Variants in XIST observed in about 807,000 individuals in gnomAD.
XIST encodes the protein X inactive specific transcript.
exon 1 of XIST, chrX:73,841,764 T>C (rs960736278): frequency 1.0e-5 from 5 of 498,676 alleles, no homozygotes; most frequent in Non-Finnish European, 1.8e-5. Flanking sequence ...ATTATTACTA[T>C]AATTAAATGC....
Position 73,849,926 on chromosome X carries a change from T to C in XIST, n.2798A>G, listed in dbSNP as rs368263757. 295 of 543,344 alleles carry C rather than the reference T, an allele frequency of 5.4e-4. 2 individuals are homozygous for C. Among genetic ancestry groups the C allele is most frequent in the Non-Finnish European group, 6.7e-4 (203 of 303,330 alleles). The allele number at this position is 543,344 out of a possible 1,213,427, so 44.8% of individuals were successfully genotyped here. On this transcript the variant is annotated non_coding_transcript_exon_variant, in exon 1 of 6. Coordinates refer to ENST00000429829, the Ensembl canonical transcript of XIST. ...GGCTGGGGCTAGACTAGGGGTTTGCTGGGAGCAGGGCTGGGGAGGAACTGG... is the reference window on the plus strand; with the variant it reads ...GGCTGGGGCTAGACTAGGGGTTTGCCGGGAGCAGGGCTGGGGAGGAACTGG...
At chrX:73,833,052 T>A (rs1437810029) in intron 3 of XIST, among the ~76,000 whole-genome samples, 1 of 109,757 alleles carries the variant, frequency 9.1e-6, no homozygotes, top group Non-Finnish European at 1.9e-5. Flanking sequence ...CAACTAATTT[T>A]ATTTTATTGT....
At chrX:73,841,348 A>G in intron 1 of XIST, 1 of 457,551 alleles carries the variant, frequency 2.2e-6, no homozygotes. Flanking sequence ...AGAATAGGAA[A>G]AAGATTACTT....
At chrX:73,841,667 A>G in exon 1 of XIST, 1 of 535,145 alleles carries the variant, frequency 1.9e-6, no homozygotes, top group Non-Finnish European at 3.4e-6. Flanking sequence ...AGAATATTTA[A>G]TTTTGGCTTA....
intron 4 of XIST, among the ~76,000 whole-genome samples, chrX:73,830,624 T>A (rs1270184287): frequency 8.9e-6 from 1 of 111,978 alleles, no homozygotes; most frequent in Admixed American, 9.5e-5. Flanking sequence ...AAGACACACC[T>A]CTCACTTGTT....
rs767315945 is a variant in XIST at position 73,852,601 on chromosome X, T to A, written n.123A>T. ...TTTTATGGAATTTAGGTGATTTTTT[T>A]AAAGAAATACGCCATAAAGGGTGTT... On this transcript the variant is annotated non_coding_transcript_exon_variant, in exon 1 of 6. Transcript: ENST00000429829. 2.0e-4 allele frequency: 100 copies of A among 492,129 alleles called. 1 individual carries two copies. The East Asian group carries it at 3.6e-3, about 18-fold the overall frequency. The allele number at this position is 492,129 out of a possible 1,213,427, so 40.6% of individuals were successfully genotyped here.
At chrX:73,820,913 C>T (rs1922095843) in exon 6 of XIST, 2 of 559,059 alleles carry the variant, frequency 3.6e-6, no homozygotes, top group Middle Eastern at 3.1e-4. Flanking sequence ...CACTTAATTC[C>T]TTGTGTCTGC....
chrX:73,851,306 C>G (rs41305409), exon 1 of XIST: 35,107 of 557,465 alleles, frequency 0.063, 1,250 homozygotes, highest in African/African-American at 0.21. Context: ...GCGGCAAAAC[C>G]CAACACGAAA....
At chrX:73,833,523 G>C (rs1213390658) in intron 2 of XIST, 7 of 381,920 alleles carry the variant, frequency 1.8e-5, no homozygotes, top group Non-Finnish European at 3.2e-5. Context: ...AGCCTGCTTG[G>C]TCTCCCTAAA....
chrX:73,844,374 G>A (rs1488436561), exon 1 of XIST: 11 of 556,345 alleles, frequency 2.0e-5, no homozygotes, highest in Non-Finnish European at 3.6e-5. Context: ...GAAAAGCAAA[G>A]GGAGTCCATG....
chrX:73,825,709 C>T (rs1046400188), exon 6 of XIST: 5 of 512,946 alleles, frequency 9.7e-6, no homozygotes, highest in African/African-American at 9.3e-5. Flanking sequence ...ATGATTTGAC[C>T]CCTTACAGAA....
chrX:73,841,202 A>G (rs1401530699), intron 1 of XIST: 1 of 337,418 alleles, frequency 3.0e-6, no homozygotes, highest in Non-Finnish European at 5.1e-6. Context: ...GTTAACTCAC[A>G]TATGTGTATT....
In XIST at chrX:73,843,224, T is replaced by TATCCCACTCTACCAGAA. The variant is rs771893161; in HGVS notation, n.9483_9499dup. 4 of 558,570 alleles carry TATCCCACTCTACCAGAA rather than the reference T, an allele frequency of 7.2e-6. No homozygotes were observed. In the Admixed American group the frequency reaches 8.9e-5, roughly 12 times the overall value. The allele number at this position is 558,570 out of a possible 1,213,427, so 46.0% of individuals were successfully genotyped here. On this transcript the variant is annotated non_coding_transcript_exon_variant, in exon 1 of 6. Transcript: ENST00000429829. ...ATGCAAAGGGGATACTAGGGCATAATATCCCACTCTACCAGAAGGAGACAT... is the reference window on the plus strand; with the variant it reads ...ATGCAAAGGGGATACTAGGGCATAATATCCCACTCTACCAGAAATCCCACTCTACCAGAAGGAGACAT...
chrX:73,822,725 T>C (rs1330718907), exon 6 of XIST: 2 of 543,893 alleles, frequency 3.7e-6, no homozygotes, highest in Non-Finnish European at 6.6e-6. Flanking sequence ...AAATGCCTTT[T>C]GGAGCAGATA....
In XIST at chrX:73,823,958, C is replaced by T. The variant is rs148757364; in HGVS notation, n.15943G>A. On this transcript the variant is annotated non_coding_transcript_exon_variant, in exon 6 of 6. Coordinates refer to ENST00000429829, the Ensembl canonical transcript of XIST. ...CATTCAGTAAGCCAATAGTTCATTC[C>T]TATCTGTATAGAACTGTAGGCTTTG... is the stretch of plus-strand genomic sequence containing the variant. The T allele has an allele frequency of 6.6e-4, 366 of 552,308 alleles. 3 individuals carry two copies. In the East Asian group the frequency reaches 0.012, roughly 17 times the overall value. 45.5% of individuals were successfully genotyped at this position (552,308 alleles called of 1,213,427 possible). A position where few individuals can be genotyped will look rare whatever the true frequency, so the allele number is the denominator to read the frequency against.
At chrX:73,824,892 C>T (rs1333553385) in exon 6 of XIST, 2 of 551,847 alleles carry the variant, frequency 3.6e-6, no homozygotes. Flanking sequence ...AGAGGATAAA[C>T]TTTCCTCTTA....
At position 73,825,696 on chromosome X, in the gene XIST, T is replaced by C. The variant is rs1441783320; in HGVS notation, n.14205A>G. ...ACCATATGGCCCACAGTCTAAAGTA[T>C]TTATGATTTGACCCCTTACAGAAAA... On this transcript the variant is annotated non_coding_transcript_exon_variant, in exon 6 of 6. Coordinates refer to ENST00000429829, the Ensembl canonical transcript of XIST. 5.8e-6 allele frequency: 3 copies of C among 515,012 alleles called. No individual in the cohort carries two copies. The Admixed American group carries it at 7.9e-5, about 14-fold the overall frequency. 42.4% of individuals were successfully genotyped at this position (515,012 alleles called of 1,213,427 possible).
chrX:73,837,689 A>C (rs186834066), intron 1 of XIST, among the ~76,000 whole-genome samples: 188 of 111,909 alleles, frequency 1.7e-3, no homozygotes, highest in Non-Finnish European at 2.7e-3. Context: ...CATTCTGTAA[A>C]TCTCTACACT....
rs773107337 is a variant in XIST, at chrX:73,842,475, T to G, written n.10249A>C. 6 of 550,342 alleles carry G rather than the reference T, an allele frequency of 1.1e-5. No individual in the cohort carries two copies. The African/African-American group carries it at 1.3e-4, about 12-fold the overall frequency. 45.4% of individuals were successfully genotyped at this position (550,342 alleles called of 1,213,427 possible). A position where few individuals can be genotyped will look rare whatever the true frequency, so the allele number is the denominator to read the frequency against. ...TCTTGTCCCCAGAATCTGACAATAA[T>G]TGAAACTAGGATCATTAATAAATGA... is the stretch of plus-strand genomic sequence containing the variant. On this transcript the variant is annotated non_coding_transcript_exon_variant, in exon 1 of 6. Coordinates refer to ENST00000429829, the Ensembl canonical transcript of XIST.
Sources: allele counts gnomAD v4.1 joint callset (sites outside exome capture counted in the v4.1 genomes callset), GRCh38; gene constraint gnomAD v4.1.1; transcripts MANE v1.5; gene names NCBI Gene and HGNC (gene_info 2026-07-23, HGNC 2026-07-21).